The following SLC38A6 variants were observed in gnomAD, a reference collection of about 807,000 sequenced individuals.
The protein encoded by SLC38A6 is solute carrier family 38 member 6, also known as N system amino acid transporter NAT-1.
In SLC38A6, 73 loss-of-function variants were observed where a neutral mutation model predicts 65.0. The observed-to-expected ratio is 1.12, with a 90% CI of 0.93 to 1.37. SLC38A6 has a LOEUF of 1.37. SLC38A6 is among the 40% of genes most tolerant of loss of function. SLC38A6 has a pLI of 0.00. For synonymous variants in SLC38A6, 183 were observed against 178.8 expected (o/e 1.02, Z -0.19); for missense variants, 561 against 531.1 (o/e 1.06, Z -0.55).
At chr14:61,048,188 G>A in intron 12 of SLC38A6, 1 of 451,968 alleles carries the variant, frequency 2.2e-6, no homozygotes, top group Non-Finnish European at 4.4e-6. Context: ...GAAATTGCTG[G>A]TTGAACCTGA....
chr14:61,034,233 G>A (rs984867059), intron 6 of SLC38A6: 1 of 152,162 alleles, frequency 6.6e-6, no homozygotes, highest in African/African-American at 2.4e-5. Flanking sequence ...TTCAAAAAGT[G>A]TTCCTTTATT....
rs1257154555 is a variant in SLC38A6 at position 61,046,300 on chromosome 14, G to A, written c.925+133G>A. The A allele has an allele frequency of 7.7e-6, 4 of 521,204 alleles. No individual in the cohort carries two copies. The East Asian group carries it at 9.2e-5, about 12-fold the overall frequency. The allele number at this position is 521,204 out of a possible 1,614,324, so 32.3% of individuals were successfully genotyped here. On this transcript the variant is annotated intron_variant, in intron 12 of 15. Transcript: ENST00000267488. The stretch of plus-strand genomic sequence containing the variant: ...GATCACCAAATTACAATGCAGTACT[G>A]TGGTGGCTCTTGAGGCCTAAACAAT...
chr14:60,981,767 C>A, intron 1 of SLC38A6: 1 of 1,260,140 alleles, frequency 7.9e-7, no homozygotes, highest in Non-Finnish European at 1.0e-6. Flanking sequence ...TTTCCTCTTC[C>A]GACTTAGTCA....
In SLC38A6 at chr14:60,993,999, G is replaced by C. The variant is rs548328459; in HGVS notation, c.310+9196G>C. Among the ~76,000 whole-genome samples, 45 of 152,160 alleles carry C rather than the reference G, an allele frequency of 3.0e-4. 1 individual carries two copies. The highest frequency in any genetic ancestry group is 1.0e-3 in the African/African-American group (42 of 41,434). On this transcript the variant is annotated intron_variant, in intron 3 of 15. Coordinates refer to ENST00000267488, the MANE Select transcript of SLC38A6 (RefSeq NM_153811.3). The stretch of plus-strand genomic sequence containing the variant: ...TCATTGCTGGTGGGAATAAGAAATG[G>C]TACAGCTACTTTGGAATACAGTTTG...
In SLC38A6 at chr14:61,004,966, G is replaced by A. The variant is rs1333372306; in HGVS notation, c.311-10938G>A. On this transcript the variant is annotated intron_variant, in intron 3 of 15. Transcript: ENST00000267488. ...AAATACTGGCAAACTGAATCCAGCA[G>A]CACATCAAAAAGCTTATCCACCATG... 4.6e-5 allele frequency among the ~76,000 whole-genome samples: 7 copies of A among 152,176 alleles called. No individual in the cohort carries two copies. The East Asian group carries it at 1.4e-3, about 29-fold the overall frequency.
rs371673250 is a variant in SLC38A6, at chr14:61,050,496, A to T, written c.926-16A>T. 4.7e-6 allele frequency: 7 copies of T among 1,474,468 alleles called. No homozygotes were observed. Among genetic ancestry groups the T allele is most frequent in the Non-Finnish European group, 6.5e-6 (7 of 1,077,614 alleles). The allele number at this position is 1,474,468 out of a possible 1,614,324, so 91.3% of individuals were successfully genotyped here. A position where few individuals can be genotyped will look rare whatever the true frequency, so the allele number is the denominator to read the frequency against. The stretch of plus-strand genomic sequence containing the variant: ...CTTAGTACTTTATAATGTGATCCTT[A>T]TTATTTTATTTACAGACAAAGTGGA... On this transcript the variant is annotated splice_polypyrimidine_tract_variant and intron_variant, in intron 12 of 15. Coordinates refer to ENST00000267488, the MANE Select transcript of SLC38A6 (RefSeq NM_153811.3).
intron 8 of SLC38A6, among the ~76,000 whole-genome samples, chr14:61,039,743 A>G (rs1160275361): frequency 6.6e-6 from 1 of 152,072 alleles, no homozygotes; most frequent in African/African-American, 2.4e-5. Flanking sequence ...AAACGTATAT[A>G]TATTAACCCA....
chr14:61,037,530 C>G, intron 7 of SLC38A6, 95 bp from the exon 8 acceptor site: 1 of 828,522 alleles, frequency 1.2e-6, no homozygotes, highest in Non-Finnish European at 1.9e-6. Flanking sequence ...ATACCAACCA[C>G]TATAATAGAA....
At chr14:60,983,644 C>A (rs2037242028) in intron 2 of SLC38A6, among the ~76,000 whole-genome samples, 1 of 152,066 alleles carries the variant, frequency 6.6e-6, no homozygotes. Flanking sequence ...TTATTTCCTG[C>A]TTTTATTCCA....
In SLC38A6 at chr14:61,045,438, C is replaced by G. The variant is rs1339805958; in HGVS notation, c.824+13C>G. On this transcript the variant is annotated intron_variant, in intron 11 of 15. Transcript: ENST00000267488. Reference sequence around the variant, plus strand: ...GTGAACTTCAAAGGTACTGTAGAATCCTGGAATATTTTAAATATATTGTGT... The same window carrying G: ...GTGAACTTCAAAGGTACTGTAGAATGCTGGAATATTTTAAATATATTGTGT... 6.4e-7 allele frequency: 1 copy of G among 1,573,052 alleles called. No homozygotes were observed. Among genetic ancestry groups the G allele is most frequent in the South Asian group, 1.1e-5 (1 of 89,068 alleles).
chr14:61,032,204 G>A (rs182331895), intron 6 of SLC38A6, among the ~76,000 whole-genome samples: 1 of 151,858 alleles, frequency 6.6e-6, no homozygotes. Flanking sequence ...AATTCCAACA[G>A]TTGTCACAAG....
chr14:61,030,903 TAAAC>T (rs1189890074), intron 6 of SLC38A6: 1 of 155,122 alleles, frequency 6.4e-6, no homozygotes, highest in African/African-American at 2.4e-5. Flanking sequence ...GTACGGGTCT[TAAAC>T]AAAGGAGGGG....
chr14:60,994,828 A>G (rs1190153033), intron 3 of SLC38A6, among the ~76,000 whole-genome samples: 1 of 151,488 alleles, frequency 6.6e-6, no homozygotes, highest in East Asian at 1.9e-4. Context: ...ACATGGTGAA[A>G]CCCCGTCTCT....
intron 6 of SLC38A6, among the ~76,000 whole-genome samples, chr14:61,034,961 T>A (rs2041252825): frequency 6.6e-6 from 1 of 152,148 alleles, no homozygotes; most frequent in Admixed American, 6.6e-5. Context: ...ACAATTAAGT[T>A]CATGTTAGAA....
intron 5 of SLC38A6, among the ~76,000 whole-genome samples, chr14:61,024,520 A>G (rs2040507663): frequency 6.6e-6 from 1 of 152,208 alleles, no homozygotes; most frequent in Non-Finnish European, 1.5e-5. Context: ...ATAGGGGACA[A>G]TTCTGGCTTA....
rs748423500 is a variant in SLC38A6 at position 61,052,072 on chromosome 14, A to G, written c.1227A>G (p.Ile409Met). The change falls in exon 15 of 16, where the codon ATA becomes ATG. Residue 409 changes from isoleucine (I) to methionine (M), a missense_variant. Ile to Met is a conservative substitution (Grantham distance 10, BLOSUM62 1). Transcript: ENST00000267488. ...GTACATCAACATGTTTGATTTTTAT[A>G]TTCCCAGGACTATTTTATCTTAAAC... Reference protein sequence around the residue: ...GASTSTCLIFIFPGLFYLKLS... With the variant: ...GASTSTCLIFMFPGLFYLKLS... The G allele has an allele frequency of 1.3e-6, 2 of 1,593,076 alleles. No individual in the cohort carries two copies. Among genetic ancestry groups the G allele is most frequent in the South Asian group, 1.2e-5 (1 of 84,914 alleles).
intron 4 of SLC38A6, among the ~76,000 whole-genome samples, chr14:61,016,275 A>G (rs190587331): frequency 9.9e-5 from 15 of 152,232 alleles, no homozygotes; most frequent in Non-Finnish European, 1.8e-4. Context: ...TTATGTACTC[A>G]TATGAGTAAA....
intron 8 of SLC38A6, among the ~76,000 whole-genome samples, chr14:61,039,713 A>G (rs1363120175): frequency 6.6e-6 from 1 of 152,062 alleles, no homozygotes; most frequent in East Asian, 1.9e-4. Flanking sequence ...CTTTTAAAAT[A>G]CATAGTGGTT....
chr14:60,998,278 G>C (rs2038434852), intron 3 of SLC38A6, among the ~76,000 whole-genome samples: 1 of 151,746 alleles, frequency 6.6e-6, no homozygotes, highest in African/African-American at 2.4e-5. Flanking sequence ...CCTTCTGCCT[G>C]CCATCCCCGC....
Sources: allele counts gnomAD v4.1 joint callset (sites outside exome capture counted in the v4.1 genomes callset), GRCh38; gene constraint gnomAD v4.1.1; transcripts MANE v1.5; gene names NCBI Gene and HGNC (gene_info 2026-07-23, HGNC 2026-07-21).